The following WWOX variants were observed in gnomAD, a reference collection of about 807,000 sequenced individuals.
WWOX encodes WW domain-containing oxidoreductase.
Under a neutral mutation model 46.2 loss-of-function variants are expected in WWOX, and 69 were observed. That is an observed-to-expected ratio of 1.49 (90% CI 1.23 to 1.82). The LOEUF (loss-of-function observed/expected upper bound fraction) is 1.82. Among genes scored for constraint, WWOX ranks in the 40% most tolerant of loss-of-function variants. The pLI is 0.00. For synonymous variants in WWOX, 359 were observed against 202.6 expected, an observed-to-expected ratio of 1.77 and a Z score of -6.56; for missense variants, 919 against 542.6, an observed-to-expected ratio of 1.69 and a Z score of -6.89.
intron 8 of WWOX, among the ~76,000 whole-genome samples, chr16:78,574,390 C>A (rs1359319436): frequency 6.6e-6 from 1 of 152,118 alleles, no homozygotes; most frequent in African/African-American, 2.4e-5. Flanking sequence ...GGCCACCTTA[C>A]AGTCTATCAG....
intron 8 of WWOX, among the ~76,000 whole-genome samples, chr16:78,698,978 G>A (rs979823203): frequency 1.3e-5 from 2 of 152,178 alleles, no homozygotes; most frequent in African/African-American, 4.8e-5. Flanking sequence ...TTAGGCCAAT[G>A]TGTTATTCTA....
intron 8 of WWOX, among the ~76,000 whole-genome samples, chr16:78,585,687 G>T (rs74029576): frequency 0.014 from 1,928 of 140,850 alleles, 30 homozygotes; most frequent in African/African-American, 0.036. Flanking sequence ...TTTTTTTTTT[G>T]TTTTTTTTTG....
intron 8 of WWOX, among the ~76,000 whole-genome samples, chr16:79,143,170 T>C (rs1057302793): frequency 6.6e-6 from 1 of 152,224 alleles, no homozygotes; most frequent in Non-Finnish European, 1.5e-5. Context: ...TCATTCCAGG[T>C]AGCTGCAGAT....
intron 8 of WWOX, among the ~76,000 whole-genome samples, chr16:78,517,179 G>C (rs909084066): frequency 6.6e-5 from 10 of 152,138 alleles, no homozygotes; most frequent in Admixed American, 3.3e-4. Flanking sequence ...GAGTGTGAAT[G>C]ATTTTTCTGC....
chr16:78,662,085 G>A (rs1462421261), intron 8 of WWOX, among the ~76,000 whole-genome samples: 2 of 152,006 alleles, frequency 1.3e-5, no homozygotes, highest in African/African-American at 4.8e-5. Flanking sequence ...TGGTGGTGGT[G>A]GTGGTGGTAG....
intron 5 of WWOX, among the ~76,000 whole-genome samples, chr16:78,219,067 G>C (rs996469636): frequency 1.1e-4 from 16 of 152,188 alleles, no homozygotes; most frequent in African/African-American, 3.9e-4. Context: ...GTGAGATAAA[G>C]GAAGTTGCGC....
intron 8 of WWOX, among the ~76,000 whole-genome samples, chr16:79,093,254 T>C (rs1356295517): frequency 6.6e-6 from 1 of 152,192 alleles, no homozygotes; most frequent in African/African-American, 2.4e-5. Flanking sequence ...AGGCAGATTT[T>C]GGAGGCGAAA....
chr16:78,184,331 C>T (rs866083408), intron 5 of WWOX, among the ~76,000 whole-genome samples: 2 of 152,086 alleles, frequency 1.3e-5, no homozygotes, highest in African/African-American at 4.8e-5. Context: ...CAGACTGTAG[C>T]GATTCGCTTG....
intron 8 of WWOX, among the ~76,000 whole-genome samples, chr16:78,599,543 A>G (rs1471220641): frequency 6.6e-6 from 1 of 152,148 alleles, no homozygotes; most frequent in African/African-American, 2.4e-5. Context: ...TGGCCTCAGG[A>G]GGGCCACATT....
chr16:78,634,829 AGAGAGAGAGT>A (rs1392757338), intron 8 of WWOX, among the ~76,000 whole-genome samples: 3 of 112,302 alleles, frequency 2.7e-5, no homozygotes, highest in Non-Finnish European at 3.8e-5. Flanking sequence ...AGAGAGAGAG[AGAGAGAGAGT>A]GTGTGTGTGT....
chr16:78,422,802 TAC>T (rs1302383672), intron 6 of WWOX, among the ~76,000 whole-genome samples: 9 of 106,554 alleles, frequency 8.4e-5, no homozygotes, highest in South Asian at 3.1e-4. Context: ...CACATATATA[TAC>T]ACACACATAT....
chr16:78,713,972 G>A (rs1038763937), intron 8 of WWOX, among the ~76,000 whole-genome samples: 1 of 152,096 alleles, frequency 6.6e-6, no homozygotes, highest in African/African-American at 2.4e-5. Context: ...AATTGGCTAC[G>A]AGGGCTTGTG....
At chr16:78,515,668 G>A (rs937708074) in intron 8 of WWOX, among the ~76,000 whole-genome samples, 20 of 152,250 alleles carry the variant, frequency 1.3e-4, no homozygotes, top group Middle Eastern at 3.4e-3. Context: ...GCCTCTCCTC[G>A]CAGCCGCTCC....
intron 8 of WWOX, among the ~76,000 whole-genome samples, chr16:78,849,591 A>AT (rs1306641314): frequency 6.6e-6 from 1 of 150,930 alleles, no homozygotes; most frequent in Non-Finnish European, 1.5e-5. Context: ...AAAAAAAAAA[A>AT]AGAAAACAAC....
intron 8 of WWOX, among the ~76,000 whole-genome samples, chr16:78,613,980 T>G (rs575251418): frequency 6.6e-6 from 1 of 152,338 alleles, no homozygotes; most frequent in South Asian, 2.1e-4. Context: ...TTCAGCTACG[T>G]TGGCAGAGCT....
At chr16:78,866,332 C>G (rs961983507) in intron 8 of WWOX, among the ~76,000 whole-genome samples, 1 of 152,140 alleles carries the variant, frequency 6.6e-6, no homozygotes, top group African/African-American at 2.4e-5. Context: ...CTTTCTCCCT[C>G]TGGGGGACTG....
chr16:78,924,862 C>G (rs879133933), intron 8 of WWOX, among the ~76,000 whole-genome samples: 6 of 152,118 alleles, frequency 3.9e-5, no homozygotes, highest in Admixed American at 1.3e-4. Flanking sequence ...CTTTATTAGG[C>G]TCTAGCACAC....
At chr16:78,227,824 T>C (rs2037115904) in intron 5 of WWOX, among the ~76,000 whole-genome samples, 1 of 151,912 alleles carries the variant, frequency 6.6e-6, no homozygotes, top group African/African-American at 2.4e-5. Flanking sequence ...TTGCAGTGAG[T>C]CGAGTCGTGT....
intron 8 of WWOX, among the ~76,000 whole-genome samples, chr16:78,827,307 G>A (rs535621706): frequency 6.6e-6 from 1 of 152,120 alleles, no homozygotes; most frequent in African/African-American, 2.4e-5. Context: ...TGACATCAAA[G>A]CACCATGTGT....
Sources: allele counts gnomAD v4.1 joint callset (sites outside exome capture counted in the v4.1 genomes callset), GRCh38; gene constraint gnomAD v4.1.1; transcripts MANE v1.5; gene names NCBI Gene and HGNC (gene_info 2026-07-23, HGNC 2026-07-21).